Variants in IL12RB1 observed in about 807,000 individuals in gnomAD.
IL12RB1 encodes interleukin 12 receptor subunit beta 1.
Under a neutral mutation model 94.4 loss-of-function variants are expected in IL12RB1, and 64 were observed. The observed-to-expected ratio is 0.68, with a 90% CI of 0.55 to 0.83. The LOEUF is 0.83. IL12RB1 is among the 40% of genes least tolerant of loss of function. The pLI is 0.00. For missense variants in IL12RB1, 814 were observed against 855.6 expected, an observed-to-expected ratio of 0.95 and a Z score of 0.61; for synonymous variants, 362 against 355.5, an observed-to-expected ratio of 1.02 and a Z score of -0.21.
chr19:18,098,553 G>A (rs371828311), intron 1 of IL12RB1, among the ~76,000 whole-genome samples: 1 of 152,074 alleles, frequency 6.6e-6, no homozygotes, highest in Non-Finnish European at 1.5e-5. Context: ...AGGCGTCGGG[G>A]ACAGCAGAAG....
intron 9 of IL12RB1, chr19:18,070,542 A>G: frequency 1.0e-6 from 1 of 985,388 alleles, no homozygotes; most frequent in Non-Finnish European, 1.2e-6. Context: ...TGTCAGAGAG[A>G]TGGATACTGC....
At chr19:18,074,834 G>A (rs1028302125) in intron 7 of IL12RB1, among the ~76,000 whole-genome samples, 9 of 152,074 alleles carry the variant, frequency 5.9e-5, no homozygotes, top group Admixed American at 2.0e-4. Context: ...GGCAGATCAC[G>A]AGGTCAGGAG....
At chr19:18,061,761 G>A (rs1253923305) in intron 14 of IL12RB1, among the ~76,000 whole-genome samples, 3 of 151,922 alleles carry the variant, frequency 2.0e-5, no homozygotes, top group Non-Finnish European at 4.4e-5. Context: ...TACTTGGGAG[G>A]CTGAGACAGG....
intron 1 of IL12RB1, among the ~76,000 whole-genome samples, chr19:18,083,761 CAT>C: frequency 6.6e-6 from 1 of 151,656 alleles, no homozygotes; most frequent in East Asian, 1.9e-4. Flanking sequence ...TCCATCCATC[CAT>C]CCATCCATCC....
chr19:18,081,643 A>T (rs2035906958), intron 3 of IL12RB1, among the ~76,000 whole-genome samples: 1 of 151,776 alleles, frequency 6.6e-6, no homozygotes, highest in African/African-American at 2.4e-5. Context: ...CAACATGGTG[A>T]GACTCTGTCT....
Position 18,059,572 on chromosome 19 carries a change from T to A in IL12RB1, c.*36A>T, listed in dbSNP as rs373982278. The A allele has an allele frequency of 1.2e-5, 9 of 779,524 alleles. No homozygotes were observed. Among genetic ancestry groups the A allele is most frequent in the African/African-American group, 3.4e-5 (2 of 59,080 alleles). The allele number at this position is 779,524 out of a possible 1,614,324, so 48.3% of individuals were successfully genotyped here. A position where few individuals can be genotyped will look rare whatever the true frequency, so the allele number is the denominator to read the frequency against. ...TGACTCCTGTGTGTGCTACGTAGCCTCGGGCGAGTCACTCACCCTCTCTGA... is the reference window on the plus strand; with the variant it reads ...TGACTCCTGTGTGTGCTACGTAGCCACGGGCGAGTCACTCACCCTCTCTGA... On this transcript the variant is annotated 3_prime_UTR_variant, in exon 17 of 17. Transcript: ENST00000593993.
rs1261143464 is a variant in IL12RB1, at chr19:18,083,565, C to A, written c.65-74G>T. On this transcript the variant is annotated intron_variant, in intron 1 of 16. Transcript: ENST00000593993. ...GGGGAGAAGGGCTCAGCCTTGGGGTCTACACCCAAGTGATCATCAGCCCTC... is the reference window on the plus strand; with the variant it reads ...GGGGAGAAGGGCTCAGCCTTGGGGTATACACCCAAGTGATCATCAGCCCTC... 5 of 1,465,986 alleles carry A rather than the reference C, an allele frequency of 3.4e-6. No individual in the cohort carries two copies. The Admixed American group carries it at 8.4e-5, about 25-fold the overall frequency. The allele number at this position is 1,465,986 out of a possible 1,614,324, so 90.8% of individuals were successfully genotyped here.
intron 1 of IL12RB1, among the ~76,000 whole-genome samples, chr19:18,092,767 G>C (rs958780783): frequency 1.2e-4 from 17 of 141,892 alleles, no homozygotes; most frequent in Non-Finnish European, 2.2e-4. Context: ...GCCTCCCAAA[G>C]TGCTGGGATT....
chr19:18,072,856 A>AACTCGGGAGGCT (rs1397192213), intron 8 of IL12RB1, among the ~76,000 whole-genome samples: 1,635 of 150,086 alleles, frequency 0.011, 38 homozygotes, highest in African/African-American at 0.038. Flanking sequence ...CTGAGGCAGG[A>AACTCGGGAGGCT]GAATGGCGTG....
At chr19:18,092,166 C>T (rs1209462601) in intron 1 of IL12RB1, among the ~76,000 whole-genome samples, 1 of 150,634 alleles carries the variant, frequency 6.6e-6, no homozygotes, top group Non-Finnish European at 1.5e-5. Context: ...CGTAAGCCAC[C>T]GCCCCTCGAC....
chr19:18,072,395 A>G lies in IL12RB1; in HGVS notation c.784-46T>C, dbSNP rs771444836. ...AGCTTGTGGGTACCTGATCACACTCATCATCCCATAGGCAGACAGCAGGGC... is the reference window on the plus strand; with the variant it reads ...AGCTTGTGGGTACCTGATCACACTCGTCATCCCATAGGCAGACAGCAGGGC... On this transcript the variant is annotated intron_variant, in intron 8 of 16. Coordinates refer to ENST00000593993, the MANE Select transcript of IL12RB1 (RefSeq NM_005535.3). The G allele has an allele frequency of 6.5e-5, 80 of 1,237,748 alleles. 1 individual carries two copies. In the South Asian group the frequency reaches 9.5e-4, roughly 15 times the overall value. 76.7% of individuals were successfully genotyped at this position (1,237,748 alleles called of 1,614,324 possible).
chr19:18,095,482 T>C (rs973493895), intron 1 of IL12RB1, among the ~76,000 whole-genome samples: 9 of 152,068 alleles, frequency 5.9e-5, no homozygotes, highest in Admixed American at 2.0e-4. Context: ...GGAAAATTCA[T>C]AGAACAGGAA....
intron 6 of IL12RB1, 43 bp downstream of exon 6, chr19:18,076,254 A>G: frequency 9.7e-7 from 1 of 1,031,700 alleles, no homozygotes; most frequent in Non-Finnish European, 1.5e-6. Context: ...AATTAATGCC[A>G]ATTTGCTGCA....
At position 18,063,254 on chromosome 19, in the gene IL12RB1, C is replaced by A. The variant is rs576299700; in HGVS notation, c.1618+622G>T. ...GAGACTACAGGTGTGCACCACCACA[C>A]CCCACTATTTTAAAAATATTTTTTG... On this transcript the variant is annotated intron_variant, in intron 13 of 16. Transcript: ENST00000593993. Among the ~76,000 whole-genome samples the A allele has an allele frequency of 7.3e-5, 11 of 151,710 alleles. No individual in the cohort carries two copies. In the East Asian group the frequency reaches 2.1e-3, roughly 29 times the overall value.
chr19:18,070,358 C>T (rs2034934972), intron 9 of IL12RB1, among the ~76,000 whole-genome samples: 1 of 152,240 alleles, frequency 6.6e-6, no homozygotes, highest in East Asian at 1.9e-4. Flanking sequence ...GTGGCAGATA[C>T]CTGGCTGCCC....
At chr19:18,073,416 T>C in intron 8 of IL12RB1, 101 bp downstream of exon 8, 2 of 782,704 alleles carry the variant, frequency 2.6e-6, no homozygotes, top group South Asian at 2.8e-5. Context: ...CACCTCTACA[T>C]CTCATCTCCC....
chr19:18,079,211 C>G (rs138838444), intron 4 of IL12RB1, among the ~76,000 whole-genome samples: 6 of 150,396 alleles, frequency 4.0e-5, no homozygotes, highest in Non-Finnish European at 8.8e-5. Flanking sequence ...TCACGTGATT[C>G]TCCTGCCTCA....
chr19:18,089,922 G>A (rs1308122122), upstream of IL12RB1, among the ~76,000 whole-genome samples: 1 of 152,200 alleles, frequency 6.6e-6, no homozygotes, highest in Non-Finnish European at 1.5e-5. Context: ...CCTGGGCCTG[G>A]CACAGTGGGG....
chr19:18,073,468 C>T (rs2035226022), intron 8 of IL12RB1, 49 bp downstream of exon 8: 2 of 1,156,264 alleles, frequency 1.7e-6, no homozygotes, highest in East Asian at 4.7e-5. Context: ...GCTTTTGCCT[C>T]CTGCTCCCCA....
Sources: gnomAD v4.1 joint callset for allele counts (sites outside exome capture counted in the v4.1 genomes callset) on GRCh38, gnomAD v4.1.1 for gene constraint, MANE v1.5 for transcripts, NCBI Gene and HGNC (gene_info 2026-07-23, HGNC 2026-07-21) for gene names.